GJE1: variants seen among roughly 807,000 people sequenced by gnomAD.
GJE1 encodes the protein gap junction protein epsilon 1, also known as gap junction epsilon-1 protein.
GJE1 carries 9 observed loss-of-function variants against 6.2 expected under a neutral mutation model. The ratio of observed to expected loss-of-function variants is 1.45; its 90% CI spans 0.87 to 2.52. The LOEUF (loss-of-function observed/expected upper bound fraction) is 2.52. Among genes scored for constraint, GJE1 ranks in the 30% most tolerant of loss-of-function variants. The pLI is 0.00. For missense variants in GJE1, 190 were observed against 87.7 expected (o/e 2.17, Z -4.66); for synonymous variants, 65 against 30.1 (o/e 2.16, Z -3.80).
At chr6:142,135,185 T>C (rs1446609102), downstream of GJE1, 1 of 188,936 alleles carries the variant, frequency 5.3e-6, no homozygotes, top group African/African-American at 2.3e-5. Flanking sequence ...CTCACATACA[T>C]GTTAATTGAT....
At position 142,134,680 on chromosome 6, in the gene GJE1, C is replaced by T; in HGVS notation, c.376C>T (p.Leu126=). The change falls in exon 3 of 3, where the codon CTA becomes TTA. Residue 126 remains leucine, a synonymous_variant. Transcript: ENST00000450456. Reference sequence around the variant, plus strand: ...ACTCTCTGTTTTATTAAGAATTAGTCTAGCGGCAATAGCATTCTGGCTTCA... The same window carrying T: ...ACTCTCTGTTTTATTAAGAATTAGTTTAGCGGCAATAGCATTCTGGCTTCA... The T allele has an allele frequency of 4.3e-6, 3 of 696,166 alleles. No individual in the cohort carries two copies. The South Asian group carries it at 4.5e-5, about 11-fold the overall frequency. 43.1% of individuals were successfully genotyped at this position (696,166 alleles called of 1,614,324 possible).
exon 1 of GJE1, chr6:142,133,160 T>A (rs755964199): frequency 2.9e-6 from 2 of 679,706 alleles, no homozygotes; most frequent in Non-Finnish European, 5.4e-6. Flanking sequence ...TCCTGAGACA[T>A]GTCTCTAAAT....
At chr6:142,133,999 C>T (rs1778198281) in exon 2 of GJE1, 1 of 702,240 alleles carries the variant, frequency 1.4e-6, no homozygotes, top group East Asian at 2.7e-5. Context: ...TAAACCTCTT[C>T]TGTTACAATC....
intron 2 of GJE1, among the ~76,000 whole-genome samples, chr6:142,134,290 A>C (rs1409213514): frequency 6.6e-6 from 1 of 152,152 alleles, no homozygotes; most frequent in Non-Finnish European, 1.5e-5. Context: ...TAGCTGTCTA[A>C]TAAAATAAAC....
chr6:142,134,811 A>T, exon 3 of GJE1: 1 of 676,024 alleles, frequency 1.5e-6, no homozygotes, highest in Non-Finnish European at 2.7e-6. Flanking sequence ...ACTTTGAAAA[A>T]ACCATTTTTC....
chr6:142,134,463 T>A, intron 2 of GJE1, 76 bp from the exon 3 acceptor site: 1 of 457,838 alleles, frequency 2.2e-6, no homozygotes, highest in Non-Finnish European at 3.8e-6. Flanking sequence ...GTTAGTGGGG[T>A]TTTTTTAGTG....
intron 1 of GJE1, 143 bp from the exon 2 acceptor site, chr6:142,133,707 T>C: frequency 4.3e-6 from 2 of 466,190 alleles, no homozygotes; most frequent in Non-Finnish European, 7.6e-6. Flanking sequence ...GGAATTATAT[T>C]TGATTTGATG....
intron 1 of GJE1, among the ~76,000 whole-genome samples, chr6:142,133,473 G>A (rs796136263): frequency 5.3e-5 from 8 of 152,194 alleles, no homozygotes; most frequent in African/African-American, 1.9e-4. Flanking sequence ...ACATTATTTG[G>A]TTGTTAAGAT....
intron 2 of GJE1, 116 bp downstream of exon 2, chr6:142,134,160 T>C: frequency 2.0e-6 from 1 of 499,930 alleles, no homozygotes; most frequent in Non-Finnish European, 3.6e-6. Flanking sequence ...TATGTTACTT[T>C]TTCTTTAATT....
rs540729574 is a variant in GJE1 at position 142,133,849 on chromosome 6, G to T, written c.40-1G>T. On this transcript the variant is annotated splice_acceptor_variant, in intron 1 of 2. Coordinates refer to ENST00000450456, the Ensembl canonical transcript of GJE1. LOFTEE classifies it high-confidence loss of function. ...TTTTTTTTCTCCTAAAACCATAACA[G>T]GTTAAACCTCCAACTGTGATTGGTC... 1.1e-4 allele frequency: 77 copies of T among 674,974 alleles called. No homozygotes were observed. The highest frequency in any genetic ancestry group is 1.1e-3 in the African/African-American group (64 of 56,788). 41.8% of individuals were successfully genotyped at this position (674,974 alleles called of 1,614,324 possible).
Position 142,133,208 on chromosome 6 carries a change from T to C in GJE1, c.39+11T>C, listed in dbSNP as rs763807128. 6.0e-6 allele frequency: 4 copies of C among 664,824 alleles called. 1 individual carries two copies. In the South Asian group the frequency reaches 6.5e-5, roughly 11 times the overall value. 41.2% of individuals were successfully genotyped at this position (664,824 alleles called of 1,614,324 possible). A position where few individuals can be genotyped will look rare whatever the true frequency, so the allele number is the denominator to read the frequency against. ...TTCTATGAAGGATGTGTAAGTATTA[T>C]ACAAACAAAAAATCAATTGTATGAG... On this transcript the variant is annotated intron_variant, in intron 1 of 2. Coordinates refer to ENST00000450456, the Ensembl canonical transcript of GJE1.
downstream of GJE1, chr6:142,135,216 A>T (rs1380870509): frequency 1.2e-5 from 2 of 170,026 alleles, no homozygotes; most frequent in African/African-American, 4.7e-5. Flanking sequence ...GTGGCCAGAG[A>T]AACTTTTATT....
upstream of GJE1, chr6:142,133,015 G>A (rs1308937638): frequency 2.1e-6 from 1 of 480,722 alleles, no homozygotes; most frequent in African/African-American, 1.9e-5. Context: ...GAGTAAAGGA[G>A]GAGGGGAGAG....
At chr6:142,134,548 C>T (rs994121219) in exon 3 of GJE1, 10 of 555,526 alleles carry the variant, frequency 1.8e-5, no homozygotes, top group Non-Finnish European at 2.8e-5. Flanking sequence ...GGCATTACAA[C>T]TAGTTATTGT....
intron 1 of GJE1, among the ~76,000 whole-genome samples, chr6:142,133,436 GA>G (rs943300537): frequency 6.6e-6 from 1 of 152,046 alleles, no homozygotes; most frequent in Non-Finnish European, 1.5e-5. Flanking sequence ...AGAAGCAGAG[GA>G]AAAAAGCTTT....
chr6:142,134,026 T>C (rs1476623494), exon 2 of GJE1: 4 of 687,022 alleles, frequency 5.8e-6, no homozygotes, highest in Non-Finnish European at 8.0e-6. Flanking sequence ...GGCCAATCAC[T>C]CCACAAGTAA....
chr6:142,135,256 C>A (rs1778231433), downstream of GJE1: 1 of 156,528 alleles, frequency 6.4e-6, no homozygotes, highest in African/African-American at 2.4e-5. Flanking sequence ...AAAATTGATG[C>A]TCATGAGGGT....
At chr6:142,134,978 T>C in exon 3 of GJE1, 2 of 498,392 alleles carry the variant, frequency 4.0e-6, no homozygotes, top group Middle Eastern at 5.1e-4. Flanking sequence ...TTTAGTTTTA[T>C]CTTACTCAGT....
exon 3 of GJE1, chr6:142,134,665 T>A: frequency 1.4e-6 from 1 of 695,476 alleles, no homozygotes. Context: ...ACTCTCTGTT[T>A]TATTAAGAAT....
Sources: gnomAD v4.1 joint callset for allele counts (sites outside exome capture counted in the v4.1 genomes callset) on GRCh38, gnomAD v4.1.1 for gene constraint, MANE v1.5 for transcripts, NCBI Gene and HGNC (gene_info 2026-07-23, HGNC 2026-07-21) for gene names.